MKLN1: variants seen among roughly 807,000 people sequenced by gnomAD.
MKLN1 encodes muskelin.
MKLN1 carries 18 observed loss-of-function variants against 99.0 expected under a neutral mutation model. The ratio of observed to expected loss-of-function variants is 0.18; its 90% CI spans 0.13 to 0.27. The LOEUF is 0.27. Ranked by LOEUF, MKLN1 falls within the 10% of genes least tolerant of loss-of-function variation. The probability of loss-of-function intolerance (pLI) is 1.00; values close to 1 mark genes in which losing one functional copy is unlikely to be tolerated. For synonymous variants in MKLN1, 288 were observed against 293.2 expected, an observed-to-expected ratio of 0.98 and a Z score of 0.18; for missense variants, 621 against 875.9, an observed-to-expected ratio of 0.71 and a Z score of 3.67.
chr7:131,362,734 G>C (rs1011312434), intron 1 of MKLN1, among the ~76,000 whole-genome samples: 1 of 151,602 alleles, frequency 6.6e-6, no homozygotes, highest in African/African-American at 2.4e-5. Context: ...TCTTTTTTGG[G>C]AGGAACTTTT....
At chr7:131,326,708 C>A (rs555148259), upstream of MKLN1, 4 of 152,252 alleles carry the variant, frequency 2.6e-5, no homozygotes, top group African/African-American at 9.6e-5. Flanking sequence ...AAATTTCCAT[C>A]TATAGAAACA....
At chr7:131,141,292 C>T (rs767135906) in intron 1 of MKLN1, among the ~76,000 whole-genome samples, 9 of 152,186 alleles carry the variant, frequency 5.9e-5, no homozygotes, top group Non-Finnish European at 8.8e-5. Context: ...AAAACAAACA[C>T]GTCAAAGGCT....
intron 12 of MKLN1, among the ~76,000 whole-genome samples, chr7:131,452,796 G>A (rs1316540730): frequency 6.6e-6 from 1 of 151,996 alleles, no homozygotes; most frequent in Non-Finnish European, 1.5e-5. Context: ...TGATCCGCCC[G>A]CCTCGGCCTC....
At chr7:131,421,609 G>C (rs1326651903) in intron 8 of MKLN1, among the ~76,000 whole-genome samples, 1 of 152,046 alleles carries the variant, frequency 6.6e-6, no homozygotes, top group Non-Finnish European at 1.5e-5. Flanking sequence ...TTTTGTATGT[G>C]CATATATTAT....
intron 2 of MKLN1, among the ~76,000 whole-genome samples, chr7:131,190,420 T>C (rs906951341): frequency 1.3e-5 from 2 of 150,942 alleles, no homozygotes; most frequent in Non-Finnish European, 2.9e-5. Flanking sequence ...CAGCCCTCGA[T>C]GCTGCAATTG....
intron 3 of MKLN1, among the ~76,000 whole-genome samples, chr7:131,227,891 T>A (rs1797181557): frequency 6.6e-6 from 1 of 152,112 alleles, no homozygotes; most frequent in African/African-American, 2.4e-5. Context: ...TTGTTTATTA[T>A]GCATCCTTTG....
chr7:131,437,490 G>A (rs1364811089), intron 9 of MKLN1, among the ~76,000 whole-genome samples: 1 of 152,178 alleles, frequency 6.6e-6, no homozygotes, highest in Non-Finnish European at 1.5e-5. Flanking sequence ...GGTAGAAACC[G>A]TATAGATGTT....
Position 131,206,588 on chromosome 7 carries a change from C to T in MKLN1, c.-179+3614C>T, listed in dbSNP as rs140154127. ...TTATTATTTTAGAGATAGGCTCTCA[C>T]TCTGTTGCCCGGCCTGGAGTGCAGT... On this transcript the variant is annotated intron_variant, in intron 3 of 7. Transcript: ENST00000416992. Among the ~76,000 whole-genome samples, 691 of 138,168 alleles carry T rather than the reference C, an allele frequency of 5.0e-3. 6 individuals are homozygous for T. Among genetic ancestry groups the T allele is most frequent in the African/African-American group, 0.018 (650 of 36,956 alleles). 90.6% of individuals were successfully genotyped at this position (138,168 alleles called of 152,430 possible). A position where few individuals can be genotyped will look rare whatever the true frequency, so the allele number is the denominator to read the frequency against.
rs893046717 is a variant in MKLN1 at position 131,495,180 on chromosome 7, G to A, written c.*7452G>A. Reference sequence around the variant, plus strand: ...CTCTTTTATAAATTGGAAGTACTCAGTAGTCAGAAATTAAGATCCCCTCTG... The same window carrying A: ...CTCTTTTATAAATTGGAAGTACTCAATAGTCAGAAATTAAGATCCCCTCTG... On this transcript the variant is annotated 3_prime_UTR_variant, in exon 18 of 18. Coordinates refer to ENST00000352689, the MANE Select transcript of MKLN1 (RefSeq NM_013255.5). 1.3e-5 allele frequency: 2 copies of A among 152,168 alleles called. No individual in the cohort carries two copies. The highest frequency in any genetic ancestry group is 1.3e-4 in the Admixed American group (2 of 15,266). 9.4% of individuals were successfully genotyped at this position (152,168 alleles called of 1,614,324 possible).
intron 6 of MKLN1, among the ~76,000 whole-genome samples, chr7:131,407,216 G>A (rs1002360371): frequency 4.7e-5 from 7 of 150,436 alleles, no homozygotes; most frequent in African/African-American, 1.5e-4. Context: ...TTCCATTTTT[G>A]TTTCCTTTGG....
chr7:131,414,017 T>C (rs1794948528), intron 7 of MKLN1, among the ~76,000 whole-genome samples: 1 of 152,194 alleles, frequency 6.6e-6, no homozygotes, highest in South Asian at 2.1e-4. Context: ...AGTCAGTTCT[T>C]ACATAAAATA....
At chr7:131,376,608 C>G (rs1250951937) in intron 2 of MKLN1, among the ~76,000 whole-genome samples, 1 of 148,632 alleles carries the variant, frequency 6.7e-6, no homozygotes, top group African/African-American at 2.5e-5. Flanking sequence ...CACAACTGCA[C>G]TCTAGCCTGG....
chr7:131,322,859 C>G (rs1280600354), intron 3 of MKLN1, among the ~76,000 whole-genome samples: 2 of 152,138 alleles, frequency 1.3e-5, no homozygotes, highest in Non-Finnish European at 2.9e-5. Flanking sequence ...CGTGAGCCAC[C>G]GCGCCCGGCC....
At chr7:131,327,815 C>T, upstream of MKLN1, 1 of 1,509,004 alleles carries the variant, frequency 6.6e-7, no homozygotes, top group Non-Finnish European at 8.8e-7. Context: ...GGGAGGGCGG[C>T]GGCCCCTTTA....
chr7:131,389,117 T>C, intron 4 of MKLN1, 145 bp downstream of exon 4: 1 of 529,356 alleles, frequency 1.9e-6, no homozygotes, highest in South Asian at 2.9e-5. Context: ...GTTTACATAT[T>C]GTCTGTATCT....
At chr7:131,353,686 GC>G (rs1213577417) in intron 1 of MKLN1, among the ~76,000 whole-genome samples, 3 of 151,380 alleles carry the variant, frequency 2.0e-5, no homozygotes, top group African/African-American at 7.3e-5. Context: ...AGATCTCCTT[GC>G]CTAGTCCTAG....
At chr7:131,477,611 T>A (rs1797004726) in intron 16 of MKLN1, among the ~76,000 whole-genome samples, 1 of 152,344 alleles carries the variant, frequency 6.6e-6, no homozygotes, top group Non-Finnish European at 1.5e-5. Context: ...TATACATTTT[T>A]AAATTTTTCT....
intron 15 of MKLN1, among the ~76,000 whole-genome samples, chr7:131,469,111 C>G (rs1000063444): frequency 6.6e-6 from 1 of 151,964 alleles, no homozygotes. Context: ...CTGACTTTCT[C>G]CCAACCTTGT....
intron 3 of MKLN1, among the ~76,000 whole-genome samples, chr7:131,301,816 T>C (rs1422504998): frequency 6.6e-6 from 1 of 152,156 alleles, no homozygotes; most frequent in Non-Finnish European, 1.5e-5. Flanking sequence ...CTGAAACTTA[T>C]TTAACCTGCC....
Sources: allele counts gnomAD v4.1 joint callset (sites outside exome capture counted in the v4.1 genomes callset), GRCh38; gene constraint gnomAD v4.1.1; transcripts MANE v1.5; gene names NCBI Gene and HGNC (gene_info 2026-07-23, HGNC 2026-07-21).